ARHGAP10: variants seen among roughly 807,000 people sequenced by gnomAD.
ARHGAP10 encodes rho GTPase-activating protein 10.
A neutral mutation model predicts 108.6 loss-of-function variants in ARHGAP10; 87 were observed. That is an observed-to-expected ratio of 0.80 (90% CI 0.67 to 0.96). The LOEUF (loss-of-function observed/expected upper bound fraction) is 0.96, where lower values mean the gene tolerates loss of function less well. Ranked by LOEUF, ARHGAP10 falls within the 40% of genes least tolerant of loss-of-function variation. The probability of loss-of-function intolerance (pLI) is 0.00; values close to 1 mark genes in which losing one functional copy is unlikely to be tolerated. For missense variants in ARHGAP10, 939 were observed against 954.5 expected, an observed-to-expected ratio of 0.98 and a Z score of 0.21; for synonymous variants, 347 against 341.1, an observed-to-expected ratio of 1.02 and a Z score of -0.19.
intron 1 of ARHGAP10, among the ~76,000 whole-genome samples, chr4:147,764,272 T>C (rs1240897552): frequency 6.6e-6 from 1 of 151,910 alleles, no homozygotes; most frequent in Non-Finnish European, 1.5e-5. Context: ...TAGCCTTCAA[T>C]ACCACTTTGA....
At chr4:148,069,315 G>A (rs1461089143) in intron 22 of ARHGAP10, among the ~76,000 whole-genome samples, 1 of 152,130 alleles carries the variant, frequency 6.6e-6, no homozygotes, top group Non-Finnish European at 1.5e-5. Flanking sequence ...AAGGCTCTTG[G>A]ATGTTACAGG....
chr4:147,751,989 A>G (rs1729172059), intron 1 of ARHGAP10, among the ~76,000 whole-genome samples: 1 of 151,038 alleles, frequency 6.6e-6, no homozygotes, highest in African/African-American at 2.4e-5. Context: ...AGGTTCAAGC[A>G]ATTCTCCTGC....
At chr4:147,737,082 T>TA (rs1369595403) in intron 1 of ARHGAP10, among the ~76,000 whole-genome samples, 1 of 152,178 alleles carries the variant, frequency 6.6e-6, no homozygotes, top group Non-Finnish European at 1.5e-5. Context: ...TTAAATGACA[T>TA]AAGACAGTTT....
At chr4:147,982,246 C>CT in intron 18 of ARHGAP10, among the ~76,000 whole-genome samples, 1 of 152,106 alleles carries the variant, frequency 6.6e-6, no homozygotes, top group East Asian at 1.9e-4. Context: ...TGATCCTTTT[C>CT]TGTAGCTACC....
chr4:147,753,225 C>T (rs1272985633), intron 1 of ARHGAP10, among the ~76,000 whole-genome samples: 1 of 152,230 alleles, frequency 6.6e-6, no homozygotes, highest in Non-Finnish European at 1.5e-5. Context: ...GTCCAACCTT[C>T]TTACACCATA....
intron 22 of ARHGAP10, among the ~76,000 whole-genome samples, chr4:148,067,987 C>A (rs1206652664): frequency 6.6e-6 from 1 of 151,464 alleles, no homozygotes; most frequent in Non-Finnish European, 1.5e-5. Flanking sequence ...AACTCCCCCG[C>A]CCCCCACCCT....
At chr4:147,879,875 A>G (rs966008380) in intron 9 of ARHGAP10, among the ~76,000 whole-genome samples, 1 of 152,244 alleles carries the variant, frequency 6.6e-6, no homozygotes, top group African/African-American at 2.4e-5. Flanking sequence ...ACTGACAGCA[A>G]GCTTTCATGA....
At position 147,883,711 on chromosome 4, in the gene ARHGAP10, T is replaced by C. The variant is rs532881102; in HGVS notation, c.1034+1779T>C. ...CTTTTTCTTTTTTCTTTCTTTTTTT[T>C]TGAGACGAGTCTCACTTTTTTTGCC... On this transcript the variant is annotated intron_variant, in intron 10 of 22. Coordinates refer to ENST00000336498, the MANE Select transcript of ARHGAP10 (RefSeq NM_024605.4). Among the ~76,000 whole-genome samples, 6 of 152,314 alleles carry C rather than the reference T, an allele frequency of 3.9e-5. No homozygotes were observed. In the South Asian group the frequency reaches 1.2e-3, roughly 32 times the overall value.
chr4:147,805,074 C>T (rs1343142048), intron 1 of ARHGAP10, among the ~76,000 whole-genome samples: 1 of 152,070 alleles, frequency 6.6e-6, no homozygotes, highest in Admixed American at 6.6e-5. Context: ...ATGGTATTTC[C>T]TAGGTTTTCT....
rs747802151 is a variant in ARHGAP10 at position 147,923,001 on chromosome 4, TAGTAAGCACTC to T, written c.1228+9871_1228+9881del. On this transcript the variant is annotated intron_variant, in intron 13 of 22. Coordinates refer to ENST00000336498, the MANE Select transcript of ARHGAP10 (RefSeq NM_024605.4). ...TAAATACAGGCATGCCTTGCACACA[TAGTAAGCACTC>T]AGTAAGCATTTGCTTTTTGCTTCAG... Among the ~76,000 whole-genome samples the T allele has an allele frequency of 7.2e-5, 11 of 152,224 alleles. 1 individual carries two copies. Among genetic ancestry groups the T allele is most frequent in the Admixed American group, 2.6e-4 (4 of 15,282 alleles).
intron 10 of ARHGAP10, among the ~76,000 whole-genome samples, chr4:147,893,949 A>G (rs1437342102): frequency 1.3e-5 from 2 of 152,172 alleles, no homozygotes; most frequent in East Asian, 1.9e-4. Context: ...CACATTTTAT[A>G]TGGGCTGTGA....
intron 13 of ARHGAP10, among the ~76,000 whole-genome samples, chr4:147,919,092 G>A (rs1426417974): frequency 6.6e-6 from 1 of 152,040 alleles, no homozygotes; most frequent in Non-Finnish European, 1.5e-5. Flanking sequence ...GACATTTGAC[G>A]TTTTTATTAA....
rs551347082 is a variant in ARHGAP10, at chr4:147,988,169, TG to T, written c.1716+21331del. Among the ~76,000 whole-genome samples, 597 of 133,946 alleles carry T rather than the reference TG, an allele frequency of 4.5e-3. 5 individuals are homozygous for T. Among genetic ancestry groups the T allele is most frequent in the African/African-American group, 0.018 (558 of 31,112 alleles). The allele number at this position is 133,946 out of a possible 152,430, so 87.9% of individuals were successfully genotyped here. On this transcript the variant is annotated intron_variant, in intron 18 of 22. Coordinates refer to ENST00000336498, the MANE Select transcript of ARHGAP10 (RefSeq NM_024605.4). ...AGTCCTTAGGAAAACAGATGGAGCGTGTGTGTCTGGTCAACATAGTTTTAGG... is the reference window on the plus strand; with the variant it reads ...AGTCCTTAGGAAAACAGATGGAGCGTTGTGTCTGGTCAACATAGTTTTAGG...
intron 1 of ARHGAP10, among the ~76,000 whole-genome samples, chr4:147,794,645 A>G (rs780076894): frequency 2.0e-5 from 3 of 152,088 alleles, no homozygotes; most frequent in Non-Finnish European, 4.4e-5. Context: ...TATGGTACAT[A>G]TTTTGTTATG....
In ARHGAP10 at chr4:147,798,722, ACACTCTCTCTCTCTCTCTCTCTCTCT is replaced by A. The variant is rs1466031322; in HGVS notation, c.155-24003_155-23978del. ...CATTACGTGAGGTCAGGAGTTTGAG[ACACTCTCTCTCTCTCTCTCTCTCTCT>A]CTCTCTCTCTCTCTCTCTCTCTCTC... On this transcript the variant is annotated intron_variant, in intron 1 of 22. Transcript: ENST00000336498. 3.9e-4 allele frequency among the ~76,000 whole-genome samples: 42 copies of A among 107,426 alleles called. 1 individual carries two copies. The highest frequency in any genetic ancestry group is 2.0e-3 in the African/African-American group (37 of 18,774). The allele number at this position is 107,426 out of a possible 152,430, so 70.5% of individuals were successfully genotyped here.
chr4:148,071,477 A>G (rs1301639917), intron 22 of ARHGAP10, among the ~76,000 whole-genome samples: 1 of 152,150 alleles, frequency 6.6e-6, no homozygotes, highest in Admixed American at 6.5e-5. Flanking sequence ...TTAGCCAGGC[A>G]TGGTGGTGCG....
At chr4:147,940,616 C>T (rs1738133545) in intron 14 of ARHGAP10, among the ~76,000 whole-genome samples, 1 of 152,308 alleles carries the variant, frequency 6.6e-6, no homozygotes, top group Middle Eastern at 3.4e-3. Flanking sequence ...TGTATCAAAC[C>T]AATCTGTCAT....
chr4:147,948,681 G>A (rs1440445809), intron 15 of ARHGAP10, among the ~76,000 whole-genome samples: 1 of 152,082 alleles, frequency 6.6e-6, no homozygotes, highest in East Asian at 1.9e-4. Context: ...TGTAGGCCGG[G>A]CGCGGTGGCT....
intron 9 of ARHGAP10, 90 bp from the exon 10 acceptor site, chr4:147,881,747 AC>A (rs1382092434): frequency 9.8e-5 from 108 of 1,099,800 alleles, no homozygotes; most frequent in Non-Finnish European, 1.3e-4. Flanking sequence ...AAGATCTTGA[AC>A]CTTGCTCCCC....
Sources: allele counts gnomAD v4.1 joint callset (sites outside exome capture counted in the v4.1 genomes callset), GRCh38; gene constraint gnomAD v4.1.1; transcripts MANE v1.5; gene names NCBI Gene and HGNC (gene_info 2026-07-23, HGNC 2026-07-21).